Variants in NDOR1 observed in about 807,000 individuals in gnomAD.
NDOR1 encodes the protein NADPH-dependent diflavin oxidoreductase 1.
In NDOR1, 61 loss-of-function variants were observed where a neutral mutation model predicts 67.2. That is an observed-to-expected ratio of 0.91 (90% confidence interval 0.74 to 1.12). The LOEUF is 1.12. NDOR1 is among the 50% of genes most tolerant of loss of function. NDOR1 has a pLI of 0.00. For synonymous variants in NDOR1, 378 were observed against 343.7 expected (o/e 1.10, Z -1.10); for missense variants, 878 against 802.8 (o/e 1.09, Z -1.13).
chr9:137,216,106 T>A lies in NDOR1; in HGVS notation c.1567T>A (p.Tyr523Asn). ...AFSREQEQKV[Y>N]VQHRLRELGS... Reference sequence around the variant, plus strand: ...CTCTGCCCTACAGGAGCAGAAAGTATATGTGCAGCACCGGCTCCGGGAGCT... The same window carrying A: ...CTCTGCCCTACAGGAGCAGAAAGTAAATGTGCAGCACCGGCTCCGGGAGCT... Residue 523 changes from tyrosine (Y) to asparagine (N), a missense_variant, in exon 13 of 14, where the codon TAT becomes AAT. Transcript: ENST00000684003. 6.2e-7 allele frequency: 1 copy of A among 1,613,400 alleles called. No individual in the cohort carries two copies. Among genetic ancestry groups the A allele is most frequent in the Non-Finnish European group, 8.5e-7 (1 of 1,179,964 alleles).
chr9:137,216,443 G>T lies in NDOR1; in HGVS notation c.*27G>T. On this transcript the variant is annotated 3_prime_UTR_variant, in exon 14 of 14. Transcript: ENST00000684003. ...GCCCGCGGCTGCCCGTGCCCCCTCT[G>T]ACAGCCATCCTCCTGGGAGCCCAGG... 6.3e-7 allele frequency: 1 copy of T among 1,584,500 alleles called. No homozygotes were observed.
At position 137,218,223 on chromosome 9, in the gene NDOR1, G is replaced by T. The variant is rs1021057766; in HGVS notation, c.*1807G>T. The T allele has an allele frequency of 2.5e-6, 1 of 398,360 alleles. No homozygotes were observed. Among genetic ancestry groups the T allele is most frequent in the East Asian group, 3.6e-5 (1 of 28,066 alleles). The allele number at this position is 398,360 out of a possible 1,614,324, so 24.7% of individuals were successfully genotyped here. On this transcript the variant is annotated 3_prime_UTR_variant, in exon 14 of 14. Transcript: ENST00000684003. The stretch of plus-strand genomic sequence containing the variant: ...GGCCGGGTGCGCTGCCCGCTGTGCC[G>T]CCAGAAGACGCCCGTGCTGGAATGG...
chr9:137,217,057 G>T lies in NDOR1; in HGVS notation c.*641G>T, dbSNP rs1835646696. 1 of 183,400 alleles carries T rather than the reference G, an allele frequency of 5.5e-6. No individual in the cohort carries two copies. The highest frequency in any genetic ancestry group is 2.4e-5 in the African/African-American group (1 of 41,594). The allele number at this position is 183,400 out of a possible 1,614,324, so 11.4% of individuals were successfully genotyped here. ...TTCCTCTAGCTCCTCCCGGTGCCCTGGGTGCTGGGTGCTGGATGGATGGGC... is the reference window on the plus strand; with the variant it reads ...TTCCTCTAGCTCCTCCCGGTGCCCTTGGTGCTGGGTGCTGGATGGATGGGC... On this transcript the variant is annotated 3_prime_UTR_variant, in exon 14 of 14. Transcript: ENST00000684003.
Position 137,206,244 on chromosome 9 carries a change from A to T in NDOR1, c.148A>T (p.Asn50Tyr). ...LDSYPVVNLI[N>Y]EPLVIFVCAT... ...TCTTTTTGTTGAGGTGAATCTGATTAACGAGCCCCTGGTGATATTTGTTTG... is the reference window on the plus strand; with the variant it reads ...TCTTTTTGTTGAGGTGAATCTGATTTACGAGCCCCTGGTGATATTTGTTTG... The change falls in exon 2 of 14, where the codon AAC becomes TAC. Residue 50 changes from asparagine (N) to tyrosine (Y), a missense_variant. Transcript: ENST00000684003. 6.2e-7 allele frequency: 1 copy of T among 1,613,992 alleles called. No individual in the cohort carries two copies. The highest frequency in any genetic ancestry group is 1.1e-5 in the South Asian group (1 of 91,088).
In NDOR1 at chr9:137,214,208, C is replaced by T. The variant is rs1273405498; in HGVS notation, c.517C>T (p.Pro173Ser). The stretch of plus-strand genomic sequence containing the variant: ...GACCAGCGTGCCCTCCCACAGCCTG[C>T]CCTCCAAGTTCACCCTGCTGTTCCT... Reference protein sequence around the residue: ...LTEIPPGVPLPSKFTLLFLQE... With the variant: ...LTEIPPGVPLSSKFTLLFLQE... The change falls in exon 6 of 14, where the codon CCC (proline) becomes TCC (serine). Residue 173 changes from proline (P) to serine (S), a missense_variant. By Grantham distance (74) the Pro-to-Ser change is moderately conservative (BLOSUM62 -1). Transcript: ENST00000684003. The T allele has an allele frequency of 6.2e-7, 1 of 1,610,290 alleles. No individual in the cohort carries two copies. Among genetic ancestry groups the T allele is most frequent in the Admixed American group, 1.7e-5 (1 of 59,864 alleles).
rs1211024137 is a variant in NDOR1 at position 137,212,425 on chromosome 9, A to G, written c.214-77A>G. ...TCCTACCCACCTGCCTGTTCCCCTG[A>G]GACCCTCCCCTCACCCCCTGCTGTG... On this transcript the variant is annotated intron_variant, in intron 2 of 13. Coordinates refer to ENST00000684003, the MANE Select transcript of NDOR1 (RefSeq NM_014434.4). This position sits in a 1 kb window ranked among gnomAD's most constrained non-coding sequence, Gnocchi z 4.3. 1 of 1,321,468 alleles carries G rather than the reference A, an allele frequency of 7.6e-7. No individual in the cohort carries two copies. 81.9% of individuals were successfully genotyped at this position (1,321,468 alleles called of 1,614,324 possible).
Position 137,214,251 on chromosome 9 carries a change from C to T in NDOR1, c.560C>T (p.Thr187Met), listed in dbSNP as rs201890424. ...TLLFLQEAPS[T>M]GSEGQRVAHP... ...CTGTTCCTCCAAGAGGCACCCAGCACGGGCTCTGAGGGGCAGCGGGTAGCT... is the reference window on the plus strand; with the variant it reads ...CTGTTCCTCCAAGAGGCACCCAGCATGGGCTCTGAGGGGCAGCGGGTAGCT... The change falls in exon 6 of 14, where the codon ACG (threonine) becomes ATG (methionine). Residue 187 changes from threonine to methionine, a missense_variant. Coordinates refer to ENST00000684003, the MANE Select transcript of NDOR1 (RefSeq NM_014434.4). The T allele has an allele frequency of 8.7e-6, 14 of 1,613,454 alleles. No homozygotes were observed. The highest frequency in any genetic ancestry group is 5.0e-5 in the Admixed American group (3 of 60,024).
chr9:137,214,600 G>T lies in NDOR1; in HGVS notation c.753G>T (p.Gln251His), dbSNP rs1835440901. The T allele has an allele frequency of 6.2e-7, 1 of 1,611,136 alleles. No individual in the cohort carries two copies. Among genetic ancestry groups the T allele is most frequent in the African/African-American group, 1.3e-5 (1 of 74,926 alleles). Residue 251 changes from glutamine to histidine, a missense_variant, in exon 7 of 14, where the codon CAG becomes CAT. By Grantham distance (24) the Gln-to-His change is conservative. Coordinates refer to ENST00000684003, the MANE Select transcript of NDOR1 (RefSeq NM_014434.4). ...CTGCTGGTGATGTGGTGCTGATTCA[G>T]CCCTCCAACTCGGCTGCCCATGTCC... ...SFAAGDVVLI[Q>H]PSNSAAHVQR... is the part of the protein sequence containing the mutation.
chr9:137,210,694 T>A (rs142424317), intron 2 of NDOR1, among the ~76,000 whole-genome samples: 1 of 152,042 alleles, frequency 6.6e-6, no homozygotes, highest in African/African-American at 2.4e-5. Context: ...AAAATAATAA[T>A]AAATTAGCTG....
Position 137,216,350 on chromosome 9 carries a change from G to C in NDOR1, c.1728G>C (p.Pro576=). 1.2e-6 allele frequency: 2 copies of C among 1,609,722 alleles called. No individual in the cohort carries two copies. Among genetic ancestry groups the C allele is most frequent in the Non-Finnish European group, 1.7e-6 (2 of 1,179,936 alleles). ...AGGAGGAGGGTGGACTCTGCAGCCC[G>C]GACGCAGCCGCGTATCTAGCCAGGC... ...IFQEEGGLCS[P]DAAAYLARLQ... is the part of the protein sequence containing the mutation. The change falls in exon 14 of 14, where the codon CCG becomes CCC. Residue 576 remains proline, a synonymous_variant. Coordinates refer to ENST00000684003, the MANE Select transcript of NDOR1 (RefSeq NM_014434.4).
chr9:137,216,640 C>A lies in NDOR1; in HGVS notation c.*224C>A, dbSNP rs541674571. 16 of 604,820 alleles carry A rather than the reference C, an allele frequency of 2.6e-5. No individual in the cohort carries two copies. Among genetic ancestry groups the A allele is most frequent in the African/African-American group, 3.7e-5 (2 of 53,878 alleles). The allele number at this position is 604,820 out of a possible 1,614,324, so 37.5% of individuals were successfully genotyped here. Reference sequence around the variant, plus strand: ...CTGCCCAGCCAGCCCTGCGCTCCCCCACCCTGACAGTGAGCTGTGTCCTCG... The same window carrying A: ...CTGCCCAGCCAGCCCTGCGCTCCCCAACCCTGACAGTGAGCTGTGTCCTCG... On this transcript the variant is annotated 3_prime_UTR_variant, in exon 14 of 14. Transcript: ENST00000684003.
Position 137,212,100 on chromosome 9 carries a change from C to T in NDOR1, c.214-402C>T, listed in dbSNP as rs1050749597. Among the ~76,000 whole-genome samples, 3 of 152,116 alleles carry T rather than the reference C, an allele frequency of 2.0e-5. No individual in the cohort carries two copies. Among genetic ancestry groups the T allele is most frequent in the Non-Finnish European group, 2.9e-5 (2 of 68,010 alleles). ...GACCAACTCAGGGAGTGGAGGCCCA[C>T]GCTCTGGCTGGGAAATGACAGGTGG... is the stretch of plus-strand genomic sequence containing the variant. On this transcript the variant is annotated intron_variant, in intron 2 of 13. Coordinates refer to ENST00000684003, the MANE Select transcript of NDOR1 (RefSeq NM_014434.4). The surrounding 1 kb of genome is among the most constrained non-coding windows in gnomAD (Gnocchi z 4.3).
chr9:137,214,777 G>C, intron 7 of NDOR1, 21 bp from the exon 8 acceptor site: 4 of 1,598,038 alleles, frequency 2.5e-6, no homozygotes, highest in Non-Finnish European at 3.4e-6. Context: ...AGCCCACGGA[G>C]GCCTCCCACT....
At position 137,217,116 on chromosome 9, in the gene NDOR1, G is replaced by A. The variant is rs1254522441; in HGVS notation, c.*700G>A. 1 of 187,384 alleles carries A rather than the reference G, an allele frequency of 5.3e-6. No homozygotes were observed. The highest frequency in any genetic ancestry group is 6.5e-5 in the Admixed American group (1 of 15,284). 11.6% of individuals were successfully genotyped at this position (187,384 alleles called of 1,614,324 possible). ...GCTCCTCCCGGTGCCCTGGGTGCTG[G>A]GTGCTGGATGGGTGGGCGTCCTCTA... On this transcript the variant is annotated 3_prime_UTR_variant, in exon 14 of 14. Transcript: ENST00000684003.
At position 137,219,170 on chromosome 9, in the gene NDOR1, C is replaced by A. The variant is rs1835776620; in HGVS notation, c.*2754C>A. On this transcript the variant is annotated 3_prime_UTR_variant, in exon 14 of 14. Transcript: ENST00000684003. Reference sequence around the variant, plus strand: ...GGCTCCTCTCCCCACTTGATCAGGCCCAGACCAGGTGGGGGTTGGCGCTGG... The same window carrying A: ...GGCTCCTCTCCCCACTTGATCAGGCACAGACCAGGTGGGGGTTGGCGCTGG... 6.6e-6 allele frequency: 1 copy of A among 152,402 alleles called. No homozygotes were observed. The highest frequency in any genetic ancestry group is 1.5e-5 in the Non-Finnish European group (1 of 68,182). 9.4% of individuals were successfully genotyped at this position (152,402 alleles called of 1,614,324 possible).
In NDOR1 at chr9:137,215,211, C is replaced by A. The variant is rs1328492151; in HGVS notation, c.1173+9C>A. ...TCGCCTCCTCGCTGCTGGTGAGGGG[C>A]CTGGTGGTTGGAGCCCAGGACCGGC... On this transcript the variant is annotated intron_variant, in intron 9 of 13. Coordinates refer to ENST00000684003, the MANE Select transcript of NDOR1 (RefSeq NM_014434.4). 6.2e-7 allele frequency: 1 copy of A among 1,607,588 alleles called. No individual in the cohort carries two copies. Among genetic ancestry groups the A allele is most frequent in the East Asian group, 2.2e-5 (1 of 44,792 alleles).
rs778060559 is a variant in NDOR1 at position 137,215,816 on chromosome 9, A to T, written c.1435+11A>T. ...CCCAGGGCCAGACTGGTGAGCACCC[A>T]GGGTCTCCGGGCAGGGTTGTTGCCA... On this transcript the variant is annotated intron_variant, in intron 11 of 13. Transcript: ENST00000684003. 1 of 1,601,070 alleles carries T rather than the reference A, an allele frequency of 6.2e-7. No individual in the cohort carries two copies. The highest frequency in any genetic ancestry group is 8.5e-7 in the Non-Finnish European group (1 of 1,173,112).
At position 137,216,197 on chromosome 9, in the gene NDOR1, G is replaced by A; in HGVS notation, c.1649+9G>A. ...TACTTCTACCTGGCAGGGTGAGCTG[G>A]CCTGCGTGCAGCAGGAGTGGGCCCA... On this transcript the variant is annotated intron_variant, in intron 13 of 13. Coordinates refer to ENST00000684003, the MANE Select transcript of NDOR1 (RefSeq NM_014434.4). 1 of 1,613,318 alleles carries A rather than the reference G, an allele frequency of 6.2e-7. No homozygotes were observed. Among genetic ancestry groups the A allele is most frequent in the Non-Finnish European group, 8.5e-7 (1 of 1,180,002 alleles).
chr9:137,214,675 G>A lies in NDOR1; in HGVS notation c.828G>A (p.Leu276=). 1 of 1,604,270 alleles carries A rather than the reference G, an allele frequency of 6.2e-7. No homozygotes were observed. Among genetic ancestry groups the A allele is most frequent in the Non-Finnish European group, 8.5e-7 (1 of 1,179,826 alleles). ...LGLDPDQLFM[L]QPREPDVSSP... ...TGGACCCTGACCAGCTCTTCATGCT[G>A]CAGCCGCGGGAGCCAGGTGAGCCCA... is the stretch of plus-strand genomic sequence containing the variant. Residue 276 remains leucine, a synonymous_variant, in exon 7 of 14, where the codon CTG becomes CTA. Coordinates refer to ENST00000684003, the MANE Select transcript of NDOR1 (RefSeq NM_014434.4).
Sources: allele counts gnomAD v4.1 joint callset (sites outside exome capture counted in the v4.1 genomes callset), GRCh38; gene constraint gnomAD v4.1.1; non-coding constraint Gnocchi (gnomAD v3.1); transcripts MANE v1.5; gene names NCBI Gene and HGNC (gene_info 2026-07-23, HGNC 2026-07-21).